AGBL4: variants seen among roughly 807,000 people sequenced by gnomAD.
AGBL4 encodes the protein AGBL carboxypeptidase 4.
A neutral mutation model predicts 66.4 loss-of-function variants in AGBL4; 58 were observed. The ratio of observed to expected loss-of-function variants is 0.87; its 90% CI spans 0.71 to 1.09. The LOEUF (loss-of-function observed/expected upper bound fraction) is 1.09. AGBL4 is among the 50% of genes least tolerant of loss of function. The pLI is 0.00. For missense variants in AGBL4, 579 were observed against 631.0 expected (o/e 0.92, Z 0.88); for synonymous variants, 234 against 222.9 (o/e 1.05, Z -0.44).
At chr1:49,948,448 T>TATATAAATATATAA (rs1443312669) in intron 1 of AGBL4, among the ~76,000 whole-genome samples, 2 of 51,440 alleles carry the variant, frequency 3.9e-5, no homozygotes, top group Non-Finnish European at 7.8e-5. Context: ...TATATATAAA[T>TATATAAATATATAA]ATATAAATAT....
chr1:49,582,831 T>C (rs1482281787), intron 3 of AGBL4, among the ~76,000 whole-genome samples: 1 of 152,186 alleles, frequency 6.6e-6, no homozygotes, highest in Non-Finnish European at 1.5e-5. Flanking sequence ...CCCTAGCTGA[T>C]CCTAGCTGGT....
At chr1:49,358,806 C>T (rs1644074250) in intron 3 of AGBL4, among the ~76,000 whole-genome samples, 1 of 152,050 alleles carries the variant, frequency 6.6e-6, no homozygotes, top group African/African-American at 2.4e-5. Context: ...TAATAGAGCT[C>T]TTAAAAATGA....
At chr1:49,266,157 CAG>C (rs1643915180) in intron 3 of AGBL4, 1 of 151,898 alleles carries the variant, frequency 6.6e-6, no homozygotes, top group Admixed American at 6.6e-5. Flanking sequence ...TGCAGTCTGA[CAG>C]AGATGGTAAA....
intron 1 of AGBL4, among the ~76,000 whole-genome samples, chr1:49,946,485 G>A (rs1039245362): frequency 7.9e-5 from 12 of 151,922 alleles, no homozygotes; most frequent in Admixed American, 2.6e-4. Flanking sequence ...AATCAAGATG[G>A]AAATTTAAAA....
intron 3 of AGBL4, among the ~76,000 whole-genome samples, chr1:49,643,091 G>C (rs1403994858): frequency 1.3e-5 from 2 of 151,878 alleles, no homozygotes; most frequent in Non-Finnish European, 2.9e-5. Context: ...GGTTGTACAT[G>C]GTAATAGACT....
chr1:49,938,013 A>G (rs150540360), intron 1 of AGBL4, among the ~76,000 whole-genome samples: 11,955 of 148,208 alleles, frequency 0.081, 667 homozygotes, highest in African/African-American at 0.14. Flanking sequence ...AACTGAAGAA[A>G]ATAGAGACAA....
At chr1:49,942,885 G>C (rs1224152630) in intron 1 of AGBL4, among the ~76,000 whole-genome samples, 3 of 152,012 alleles carry the variant, frequency 2.0e-5, no homozygotes, top group African/African-American at 7.2e-5. Flanking sequence ...TAGAATACAA[G>C]CAAATATTTG....
At chr1:49,477,516 T>C (rs569780069) in intron 3 of AGBL4, among the ~76,000 whole-genome samples, 18 of 152,256 alleles carry the variant, frequency 1.2e-4, no homozygotes, top group Non-Finnish European at 2.5e-4. Context: ...ATTACTAGGC[T>C]TGGGGTGCCC....
At chr1:49,105,138 A>T (rs1399227328) in intron 4 of AGBL4, among the ~76,000 whole-genome samples, 1 of 152,216 alleles carries the variant, frequency 6.6e-6, no homozygotes, top group African/African-American at 2.4e-5. Flanking sequence ...ATAGCTCTCT[A>T]CTAAGCACTG....
intron 6 of AGBL4, among the ~76,000 whole-genome samples, chr1:48,823,780 G>A (rs1438622801): frequency 6.6e-6 from 1 of 152,214 alleles, no homozygotes; most frequent in Non-Finnish European, 1.5e-5. Context: ...AGGTACCAAA[G>A]CATGTGTAAT....
intron 1 of AGBL4, among the ~76,000 whole-genome samples, chr1:49,966,318 T>C (rs1198827278): frequency 6.6e-6 from 1 of 152,180 alleles, no homozygotes; most frequent in Non-Finnish European, 1.5e-5. Flanking sequence ...TGTTACATAA[T>C]TGTAATTACT....
intron 11 of AGBL4, among the ~76,000 whole-genome samples, chr1:48,578,216 A>C (rs898668485): frequency 2.6e-5 from 4 of 152,198 alleles, no homozygotes; most frequent in African/African-American, 9.6e-5. Context: ...CACAAGTTAC[A>C]GGCAAAGCTT....
intron 4 of AGBL4, among the ~76,000 whole-genome samples, chr1:49,241,002 T>C (rs751811705): frequency 6.6e-6 from 1 of 151,984 alleles, no homozygotes; most frequent in Non-Finnish European, 1.5e-5. Context: ...TCTCTTTTAC[T>C]CTCCACATCT....
intron 3 of AGBL4, among the ~76,000 whole-genome samples, chr1:49,620,383 G>A (rs1645336008): frequency 6.6e-6 from 1 of 152,062 alleles, no homozygotes; most frequent in East Asian, 1.9e-4. Context: ...ATCATCACTG[G>A]TCATTACAGA....
chr1:48,737,706 C>G (rs1384262019), intron 6 of AGBL4, among the ~76,000 whole-genome samples: 1 of 152,088 alleles, frequency 6.6e-6, no homozygotes, highest in Non-Finnish European at 1.5e-5. Context: ...AATTTGTTCT[C>G]CTTTCTGCAT....
At chr1:49,065,619 C>T (rs1014690871) in intron 4 of AGBL4, among the ~76,000 whole-genome samples, 1 of 152,150 alleles carries the variant, frequency 6.6e-6, no homozygotes, top group East Asian at 1.9e-4. Flanking sequence ...ATATGCTCTA[C>T]TTTCTCCAAA....
intron 3 of AGBL4, among the ~76,000 whole-genome samples, chr1:49,658,548 C>G (rs973602937): frequency 6.6e-6 from 1 of 152,130 alleles, no homozygotes; most frequent in Admixed American, 6.6e-5. Flanking sequence ...GCTATAAAGA[C>G]ACATGCACAC....
At chr1:49,265,952 T>C (rs1366795722) in intron 3 of AGBL4, among the ~76,000 whole-genome samples, 4 of 152,170 alleles carry the variant, frequency 2.6e-5, no homozygotes, top group Non-Finnish European at 5.9e-5. Context: ...AGTTGCCACC[T>C]AAAGTCTTCA....
At chr1:49,139,800 ATTGT>A (rs1486420145) in intron 4 of AGBL4, among the ~76,000 whole-genome samples, 3 of 152,046 alleles carry the variant, frequency 2.0e-5, no homozygotes, top group African/African-American at 7.2e-5. Flanking sequence ...ATTCTTTTTT[ATTGT>A]TTGTTGCCTC....
Sources: gnomAD v4.1 joint callset for allele counts (sites outside exome capture counted in the v4.1 genomes callset) on GRCh38, gnomAD v4.1.1 for gene constraint, MANE v1.5 for transcripts, NCBI Gene and HGNC (gene_info 2026-07-23, HGNC 2026-07-21) for gene names.